The following GLIS3 variants were observed in gnomAD, a reference collection of about 807,000 sequenced individuals.
GLIS3 encodes the protein GLIS family zinc finger 3.
Under a neutral mutation model 78.6 loss-of-function variants are expected in GLIS3, and 53 were observed. The ratio of observed to expected loss-of-function variants is 0.67; its 90% confidence interval spans 0.54 to 0.85. The LOEUF is 0.85. Ranked by LOEUF, GLIS3 falls within the 40% of genes least tolerant of loss-of-function variation. The probability of loss-of-function intolerance (pLI) is 0.00; values close to 1 mark genes in which losing one functional copy is unlikely to be tolerated. For synonymous variants in GLIS3, 684 were observed against 509.9 expected (o/e 1.34, Z -4.60); for missense variants, 1,703 against 1,231.1 (o/e 1.38, Z -5.74).
At chr9:4,468,701 A>C in the GLIS3 span, among the ~76,000 whole-genome samples, 3 of 152,228 alleles carry the variant, frequency 2.0e-5, no homozygotes, top group African/African-American at 7.2e-5. Flanking sequence ...TGTAAAGACC[A>C]CTAATGCTAG....
intron 2 of GLIS3, among the ~76,000 whole-genome samples, chr9:4,188,542 T>C (rs1818021130): frequency 6.6e-6 from 1 of 151,896 alleles, no homozygotes; most frequent in Non-Finnish European, 1.5e-5. Context: ...CCTCTTTTTC[T>C]ATTGATTGGA....
chr9:4,110,511 G>A (rs944160961), intron 4 of GLIS3, among the ~76,000 whole-genome samples: 12 of 152,248 alleles, frequency 7.9e-5, no homozygotes, highest in African/African-American at 2.6e-4. Flanking sequence ...TAAATACTGT[G>A]CCGTGAAATA....
intron 2 of GLIS3, among the ~76,000 whole-genome samples, chr9:4,191,002 C>A (rs926932014): frequency 9.5e-4 from 145 of 151,896 alleles, no homozygotes; most frequent in Non-Finnish European, 3.1e-4. Context: ...TTGTCACCGC[C>A]AGGCCTGCCC....
At chr9:4,157,799 A>T (rs2131067805) in intron 2 of GLIS3, among the ~76,000 whole-genome samples, 4 of 152,354 alleles carry the variant, frequency 2.6e-5, no homozygotes, top group Middle Eastern at 3.4e-3. Flanking sequence ...ATAAGCACAC[A>T]GTCCACATCA....
At chr9:4,068,158 T>C (rs1827263669) in intron 4 of GLIS3, among the ~76,000 whole-genome samples, 2 of 152,172 alleles carry the variant, frequency 1.3e-5, no homozygotes, top group Non-Finnish European at 1.5e-5. Flanking sequence ...TAAAATTTAA[T>C]GTCATTTGCA....
chr9:4,042,088 G>A (rs921260419), intron 4 of GLIS3, among the ~76,000 whole-genome samples: 1 of 152,006 alleles, frequency 6.6e-6, no homozygotes, highest in Admixed American at 6.6e-5. Flanking sequence ...TAAGATTTCT[G>A]AATAGAACGC....
intron 2 of GLIS3, among the ~76,000 whole-genome samples, chr9:4,130,683 G>A (rs566097816): frequency 3.5e-4 from 54 of 152,354 alleles, no homozygotes; most frequent in Middle Eastern, 3.4e-3. Context: ...GAAAAGCCTG[G>A]ATGTCCAGAC....
intron 4 of GLIS3, among the ~76,000 whole-genome samples, chr9:3,987,693 GT>G (rs1455917041): frequency 8.7e-6 from 1 of 114,878 alleles, no homozygotes; most frequent in South Asian, 3.2e-4. Flanking sequence ...GTGAAACAAC[GT>G]TTAAAAAAAA....
At chr9:4,213,151 G>C (rs1563765349) in intron 2 of GLIS3, among the ~76,000 whole-genome samples, 1 of 152,070 alleles carries the variant, frequency 6.6e-6, no homozygotes, top group Non-Finnish European at 1.5e-5. Context: ...GAATTGACCA[G>C]GTAAAACATC....
At chr9:4,342,431 C>G (rs1280027362) in intron 2 of GLIS3, among the ~76,000 whole-genome samples, 1 of 152,134 alleles carries the variant, frequency 6.6e-6, no homozygotes, top group East Asian at 1.9e-4. Flanking sequence ...TTTCTGGGTT[C>G]TCTATTCTGT....
intron 2 of GLIS3, among the ~76,000 whole-genome samples, chr9:4,320,208 T>C (rs748040345): frequency 6.6e-6 from 1 of 152,202 alleles, no homozygotes; most frequent in Admixed American, 6.5e-5. Flanking sequence ...CCATTCTGAA[T>C]GTCTCTGAAT....
chr9:4,004,296 G>A (rs759585633), intron 4 of GLIS3, among the ~76,000 whole-genome samples: 2 of 152,192 alleles, frequency 1.3e-5, no homozygotes, highest in African/African-American at 4.8e-5. Context: ...TTGATATTTG[G>A]TAGGTCAATA....
intron 9 of GLIS3, among the ~76,000 whole-genome samples, chr9:3,837,802 C>T (rs1482610667): frequency 1.3e-5 from 2 of 152,190 alleles, no homozygotes; most frequent in Admixed American, 6.5e-5. Context: ...GGTAGCGAAG[C>T]TATTCCGTAT....
the GLIS3 span, among the ~76,000 whole-genome samples, chr9:4,467,799 A>AC: frequency 5.5e-3 from 844 of 152,362 alleles, 4 homozygotes; most frequent in Non-Finnish European, 0.01. Flanking sequence ...TGACGAGTTG[A>AC]GAGAAGAAGG....
rs4741863 is a variant in GLIS3, at chr9:3,879,791, G to A, written c.2129-196C>T. Among the ~76,000 whole-genome samples, 111,190 of 151,986 alleles carry A rather than the reference G, an allele frequency of 0.73. 40,966 individuals carry two copies. Among genetic ancestry groups the A allele is most frequent in the East Asian group, 0.82 (4,204 of 5,154 alleles). ...TGGAACAGGTTCCTCCGGAGCTCAC[G>A]TCTGGCTCGCTTCAGGCTGATGTTC... is the stretch of plus-strand genomic sequence containing the variant. On this transcript the variant is annotated intron_variant, in intron 7 of 10. Transcript: ENST00000381971.
At chr9:4,056,098 C>A (rs1055189159) in intron 4 of GLIS3, among the ~76,000 whole-genome samples, 3 of 152,148 alleles carry the variant, frequency 2.0e-5, no homozygotes, top group African/African-American at 7.2e-5. Context: ...TCATCCAGCC[C>A]CCATTTGGCC....
the GLIS3 span, among the ~76,000 whole-genome samples, chr9:4,474,334 C>T: frequency 9.4e-3 from 1,438 of 152,212 alleles, 8 homozygotes; most frequent in Non-Finnish European, 0.014. Context: ...GGTGAAACCC[C>T]ATCTCTACAA....
chr9:3,939,698 T>C (rs75997196), intron 4 of GLIS3, among the ~76,000 whole-genome samples: 1,577 of 152,208 alleles, frequency 0.01, 33 homozygotes, highest in African/African-American at 0.036. Flanking sequence ...TAGAACAGCA[T>C]TACAGTATTC....
chr9:4,257,775 G>C (rs536686753), intron 2 of GLIS3, among the ~76,000 whole-genome samples: 1 of 151,922 alleles, frequency 6.6e-6, no homozygotes, highest in South Asian at 2.1e-4. Context: ...GGGTTTCACT[G>C]TGTTAGCCGG....
Sources: allele counts gnomAD v4.1 joint callset (sites outside exome capture counted in the v4.1 genomes callset), GRCh38; gene constraint gnomAD v4.1.1; transcripts MANE v1.5; gene names NCBI Gene and HGNC (gene_info 2026-07-23, HGNC 2026-07-21).